FAM8A1: variants seen among roughly 807,000 people sequenced by gnomAD.
FAM8A1 encodes protein FAM8A1.
FAM8A1 carries 18 observed loss-of-function variants against 38.3 expected under a neutral mutation model. That is an observed-to-expected ratio of 0.47 (90% confidence interval 0.33 to 0.70). FAM8A1 has a LOEUF of 0.70. FAM8A1 is among the 30% of genes least tolerant of loss of function. FAM8A1 has a pLI of 0.03. For missense variants in FAM8A1, 559 were observed against 559.6 expected (o/e 1.00, Z 0.01); for synonymous variants, 246 against 234.4 (o/e 1.05, Z -0.45).
intron 2 of FAM8A1, among the ~76,000 whole-genome samples, chr6:17,603,419 A>G (rs1764012378): frequency 6.6e-6 from 1 of 152,238 alleles, no homozygotes; most frequent in South Asian, 2.1e-4. Flanking sequence ...GAGTCAAGAT[A>G]CAAGCCTGTG....
intron 1 of FAM8A1, 38 bp from the exon 2 acceptor site, chr6:17,602,552 T>C (rs1436021608): frequency 6.8e-7 from 1 of 1,468,522 alleles, no homozygotes; most frequent in East Asian, 2.6e-5. Flanking sequence ...TGTGAAATGA[T>C]TCGTTTTTCC....
Position 17,601,061 on chromosome 6 carries a change from G to A in FAM8A1, c.652G>A (p.Val218Met). The A allele has an allele frequency of 3.1e-6, 5 of 1,598,160 alleles. No homozygotes were observed. Among genetic ancestry groups the A allele is most frequent in the Non-Finnish European group, 4.3e-6 (5 of 1,174,940 alleles). ...HVQASVRATP[V>M]TRVGSAAPSR... ...GCAGGCGTCGGTCCGGGCCACTCCA[G>A]TGACGAGGGTAGGATCCGCAGCCCC... The change falls in exon 1 of 5, where the codon GTG becomes ATG. Residue 218 changes from valine (V) to methionine (M), a missense_variant. Coordinates refer to ENST00000259963, the MANE Select transcript of FAM8A1 (RefSeq NM_016255.3).
In FAM8A1 at chr6:17,602,597, A is replaced by G. The variant is rs749436842; in HGVS notation, c.720A>G (p.Glu240=). ...TTTTTTTTTAATTTACAGGCAGAGA[A>G]TATGTTATTCCATCCTTGGCCCACA... The part of the protein sequence containing the change: ...PSETGRQAGR[E]YVIPSLAHRF... Residue 240 remains glutamate (E), a synonymous_variant, in exon 2 of 5, where the codon GAA becomes GAG. Transcript: ENST00000259963. The G allele has an allele frequency of 2.5e-6, 4 of 1,601,398 alleles. No homozygotes were observed. Among genetic ancestry groups the G allele is most frequent in the South Asian group, 1.1e-5 (1 of 87,816 alleles).
intron 2 of FAM8A1, 75 bp from the exon 3 acceptor site, chr6:17,604,831 C>T (rs1211875098): frequency 1.7e-4 from 194 of 1,144,146 alleles, no homozygotes; most frequent in South Asian, 6.0e-5. Context: ...GTATGACTTG[C>T]ACTAATGAAA....
At chr6:17,602,795 C>A in intron 2 of FAM8A1, 85 bp downstream of exon 2, 2 of 1,307,486 alleles carry the variant, frequency 1.5e-6, no homozygotes, top group Non-Finnish European at 2.1e-6. Flanking sequence ...CTACACGTGA[C>A]TATATGGATA....
In FAM8A1 at chr6:17,610,930, A is replaced by T. The variant is rs1433775261; in HGVS notation, c.*2591A>T. 8 of 152,172 alleles carry T rather than the reference A, an allele frequency of 5.3e-5. No individual in the cohort carries two copies. Among genetic ancestry groups the T allele is most frequent in the Admixed American group, 1.3e-4 (2 of 15,274 alleles). The allele number at this position is 152,172 out of a possible 1,614,324, so 9.4% of individuals were successfully genotyped here. ...ATGCACCTTGAGAAAAATCTGGCAT[A>T]CTGAATAAATAACATTAACTTGGGA... On this transcript the variant is annotated 3_prime_UTR_variant, in exon 5 of 5. Coordinates refer to ENST00000259963, the MANE Select transcript of FAM8A1 (RefSeq NM_016255.3).
rs373031373 is a variant in FAM8A1 at position 17,601,028 on chromosome 6, C to G, written c.619C>G (p.Pro207Ala). 2.2e-5 allele frequency: 35 copies of G among 1,590,214 alleles called. No individual in the cohort carries two copies. The African/African-American group carries it at 4.1e-4, about 19-fold the overall frequency. The change falls in exon 1 of 5, where the codon CCT becomes GCT. Residue 207 changes from proline (P) to alanine (A), a missense_variant. Physicochemically the swap from Pro to Ala is conservative, Grantham distance 27. This residue lies in a region of FAM8A1 where 393 missense variants were observed against 338.9 expected (regional missense o/e 1.16). Coordinates refer to ENST00000259963, the MANE Select transcript of FAM8A1 (RefSeq NM_016255.3). ...APVAGLGPRA[P>A]HVQASVRATP... ...AGTCGCGGGCCTGGGACCCCGGGCT[C>G]CTCACGTGCAGGCGTCGGTCCGGGC...
At chr6:17,602,806 A>C in intron 2 of FAM8A1, 96 bp downstream of exon 2, 2 of 1,179,606 alleles carry the variant, frequency 1.7e-6, no homozygotes, top group Non-Finnish European at 2.3e-6. Flanking sequence ...TATATGGATA[A>C]TGGGCTTGTC....
chr6:17,600,955 C>T lies in FAM8A1; in HGVS notation c.546C>T (p.Ala182=), dbSNP rs374944606. The T allele has an allele frequency of 8.6e-4, 1,373 of 1,592,854 alleles. 6 individuals are homozygous for T. Among genetic ancestry groups the T allele is most frequent in the African/African-American group, 8.6e-3 (640 of 74,544 alleles). Reference sequence around the variant, plus strand: ...CCTTCTACTTCCTGAGCCCCGGGGCCGCGGGGCCTGACCCGCGGACAGCTG... The same window carrying T: ...CCTTCTACTTCCTGAGCCCCGGGGCTGCGGGGCCTGACCCGCGGACAGCTG... ...YNPFYFLSPG[A]AGPDPRTAAG... The change falls in exon 1 of 5, where the codon GCC becomes GCT. Residue 182 remains alanine (A), a synonymous_variant. Transcript: ENST00000259963.
chr6:17,605,808 G>A (rs1168755779), intron 3 of FAM8A1, 66 bp from the exon 4 acceptor site: 7 of 1,386,726 alleles, frequency 5.0e-6, no homozygotes, highest in Non-Finnish European at 6.7e-6. Context: ...AATATGGTGG[G>A]AAAAGTTTAT....
Position 17,609,108 on chromosome 6 carries a change from A to C in FAM8A1, c.*769A>C, listed in dbSNP as rs1408049460. 4 of 152,074 alleles carry C rather than the reference A, an allele frequency of 2.6e-5. No individual in the cohort carries two copies. Among genetic ancestry groups the C allele is most frequent in the African/African-American group, 9.7e-5 (4 of 41,388 alleles). 9.4% of individuals were successfully genotyped at this position (152,074 alleles called of 1,614,324 possible). On this transcript the variant is annotated 3_prime_UTR_variant, in exon 5 of 5. Transcript: ENST00000259963. ...GTGGGGGAGTAAGTTTTCACTGTAA[A>C]TTGAACTTATAATTTATGTGCAAGT...
chr6:17,604,211 C>T (rs975206905), intron 2 of FAM8A1, among the ~76,000 whole-genome samples: 1 of 152,020 alleles, frequency 6.6e-6, no homozygotes, highest in African/African-American at 2.4e-5. Context: ...ATGCTCAGCC[C>T]CTTCAATGGT....
At chr6:17,601,406 T>C (rs1408745063) in intron 1 of FAM8A1, among the ~76,000 whole-genome samples, 1 of 152,218 alleles carries the variant, frequency 6.6e-6, no homozygotes, top group Non-Finnish European at 1.5e-5. Flanking sequence ...ACCATCCTCT[T>C]CCTTTGGTTT....
Position 17,611,706 on chromosome 6 carries a change from T to TA in FAM8A1, c.*3368dup, listed in dbSNP as rs1417695404. On this transcript the variant is annotated 3_prime_UTR_variant, in exon 5 of 5. Coordinates refer to ENST00000259963, the MANE Select transcript of FAM8A1 (RefSeq NM_016255.3). ...TGTATTATTTGTCTCAATAAATACT[T>TA]AGTCATCAATGCATCTGTATTTTGT... is the stretch of plus-strand genomic sequence containing the variant. 3 of 152,220 alleles carry TA rather than the reference T, an allele frequency of 2.0e-5. No individual in the cohort carries two copies. Among genetic ancestry groups the TA allele is most frequent in the African/African-American group, 7.2e-5 (3 of 41,440 alleles). 9.4% of individuals were successfully genotyped at this position (152,220 alleles called of 1,614,324 possible). A position where few individuals can be genotyped will look rare whatever the true frequency, so the allele number is the denominator to read the frequency against.
Position 17,600,365 on chromosome 6 carries a change from A to G in FAM8A1, c.-45A>G. 2 of 1,340,414 alleles carry G rather than the reference A, an allele frequency of 1.5e-6. No individual in the cohort carries two copies. Among genetic ancestry groups the G allele is most frequent in the Non-Finnish European group, 1.9e-6 (2 of 1,043,700 alleles). 83.0% of individuals were successfully genotyped at this position (1,340,414 alleles called of 1,614,324 possible). ...TGGGGAGGGGCCATTGGGGGAGGGA[A>G]ACGGAGCAGTGACAGGTATCCCAGA... On this transcript the variant is annotated 5_prime_UTR_variant, in exon 1 of 5. Transcript: ENST00000259963.
Position 17,608,449 on chromosome 6 carries a change from A to G in FAM8A1, c.*110A>G. 8.2e-7 allele frequency: 1 copy of G among 1,220,044 alleles called. No individual in the cohort carries two copies. The highest frequency in any genetic ancestry group is 1.1e-6 in the Non-Finnish European group (1 of 895,424). 75.6% of individuals were successfully genotyped at this position (1,220,044 alleles called of 1,614,324 possible). A position where few individuals can be genotyped will look rare whatever the true frequency, so the allele number is the denominator to read the frequency against. On this transcript the variant is annotated 3_prime_UTR_variant, in exon 5 of 5. Coordinates refer to ENST00000259963, the MANE Select transcript of FAM8A1 (RefSeq NM_016255.3). Reference sequence around the variant, plus strand: ...ATTTAGAAATTAAAGCAGTCACTCCAGTGTGATGCAGGTGACTACTCTGAA... The same window carrying G: ...ATTTAGAAATTAAAGCAGTCACTCCGGTGTGATGCAGGTGACTACTCTGAA...
In FAM8A1 at chr6:17,609,910, AAT is replaced by A. The variant is rs1046146228; in HGVS notation, c.*1572_*1573del. The A allele has an allele frequency of 1.3e-5, 2 of 152,170 alleles. No individual in the cohort carries two copies. Among genetic ancestry groups the A allele is most frequent in the Non-Finnish European group, 2.9e-5 (2 of 68,014 alleles). The allele number at this position is 152,170 out of a possible 1,614,324, so 9.4% of individuals were successfully genotyped here. ...TATTCACATTTGATTATAGAAACTT[AAT>A]GTCTATTAATAATTTTAGTACAAAA... On this transcript the variant is annotated 3_prime_UTR_variant, in exon 5 of 5. Coordinates refer to ENST00000259963, the MANE Select transcript of FAM8A1 (RefSeq NM_016255.3).
chr6:17,605,915 G>T lies in FAM8A1; in HGVS notation c.999G>T (p.Lys333Asn). The T allele has an allele frequency of 6.3e-7, 1 of 1,576,748 alleles. No individual in the cohort carries two copies. Among genetic ancestry groups the T allele is most frequent in the Non-Finnish European group, 8.6e-7 (1 of 1,156,150 alleles). ...IWGAGGATPG[K>N]FLLGLRVVTC... ...GAGCAGGTGGAGCTACCCCAGGGAA[G>T]TTCCTGCTGGGGCTTCGAGTTGTGA... The change falls in exon 4 of 5, where the codon AAG (lysine) becomes AAT (asparagine). Residue 333 changes from lysine to asparagine, a missense_variant. By Grantham distance (94) the Lys-to-Asn change is moderately conservative (BLOSUM62 0). This residue lies in a region of FAM8A1 where 166 missense variants were observed against 220.8 expected (regional missense o/e 0.75). Coordinates refer to ENST00000259963, the MANE Select transcript of FAM8A1 (RefSeq NM_016255.3).
At chr6:17,603,340 G>A (rs969572014) in intron 2 of FAM8A1, among the ~76,000 whole-genome samples, 2 of 152,130 alleles carry the variant, frequency 1.3e-5, no homozygotes, top group African/African-American at 4.8e-5. Context: ...CCATTTTATA[G>A]AGTTTGAAAT....
Sources: allele counts gnomAD v4.1 joint callset (sites outside exome capture counted in the v4.1 genomes callset), GRCh38; gene constraint gnomAD v4.1.1; regional missense constraint gnomAD v4.1.1; transcripts MANE v1.5; gene names NCBI Gene and HGNC (gene_info 2026-07-23, HGNC 2026-07-21).